PLGRKT: variants seen among roughly 807,000 people sequenced by gnomAD.
PLGRKT encodes plasminogen receptor with a C-terminal lysine.
In PLGRKT, 22 loss-of-function variants were observed where a neutral mutation model predicts 18.5. That is an observed-to-expected ratio of 1.19 (90% CI 0.85 to 1.70). PLGRKT has a LOEUF of 1.70. PLGRKT is among the 40% of genes most tolerant of loss of function. The pLI, the probability that PLGRKT is intolerant of heterozygous loss-of-function variation, is 0.00. For missense variants in PLGRKT, 235 were observed against 174.4 expected (o/e 1.35, Z -1.96); for synonymous variants, 72 against 52.8 (o/e 1.36, Z -1.58).
chr9:5,377,247 A>G (rs1817647093), intron 3 of PLGRKT, among the ~76,000 whole-genome samples: 1 of 136,570 alleles, frequency 7.3e-6, no homozygotes, highest in African/African-American at 2.7e-5. Flanking sequence ...TAACAAGTAA[A>G]CTAAAAAAAA....
chr9:5,434,039 G>C (rs374832933), intron 2 of PLGRKT, among the ~76,000 whole-genome samples: 2 of 149,480 alleles, frequency 1.3e-5, no homozygotes, highest in East Asian at 2.0e-4. Context: ...CCCCAAATGG[G>C]AAGTGAGGAG....
At chr9:5,429,227 G>A (rs1355253178) in intron 3 of PLGRKT, among the ~76,000 whole-genome samples, 1 of 152,156 alleles carries the variant, frequency 6.6e-6, no homozygotes, top group African/African-American at 2.4e-5. Context: ...AGACTCCCCA[G>A]TCAGGGATTC....
chr9:5,432,044 C>A, intron 2 of PLGRKT, 61 bp from the exon 3 acceptor site: 1 of 748,392 alleles, frequency 1.3e-6, no homozygotes, highest in South Asian at 1.5e-5. Flanking sequence ...CTTGTATGCT[C>A]CACTTTGAGC....
intron 3 of PLGRKT, among the ~76,000 whole-genome samples, chr9:5,427,600 C>T (rs1474339527): frequency 3.3e-5 from 5 of 152,108 alleles, no homozygotes; most frequent in African/African-American, 7.2e-5. Flanking sequence ...TATGTATGTA[C>T]TGGGAAAACC....
intron 3 of PLGRKT, among the ~76,000 whole-genome samples, chr9:5,388,562 GC>G (rs1254804441): frequency 6.6e-6 from 1 of 151,934 alleles, no homozygotes; most frequent in Non-Finnish European, 1.5e-5. Context: ...TCTTTCCCCA[GC>G]CCTTGAGGTT....
intron 3 of PLGRKT, among the ~76,000 whole-genome samples, chr9:5,419,354 G>A (rs1388014805): frequency 6.6e-6 from 1 of 152,228 alleles, no homozygotes; most frequent in Non-Finnish European, 1.5e-5. Context: ...AATGGTACGT[G>A]TTTGGGAGGC....
Position 5,414,958 on chromosome 9 carries a change from G to A in PLGRKT, c.81+16939C>T, listed in dbSNP as rs1382036027. Among the ~76,000 whole-genome samples the A allele has an allele frequency of 3.3e-5, 5 of 152,192 alleles. No individual in the cohort carries two copies. The South Asian group carries it at 8.3e-4, about 25-fold the overall frequency. ...GATATAGAAATAAATACAGATGTGT[G>A]TCTATGCATGGGTTCATATACATAC... On this transcript the variant is annotated intron_variant, in intron 3 of 5. Transcript: ENST00000223864.
intron 3 of PLGRKT, among the ~76,000 whole-genome samples, chr9:5,389,357 C>G (rs1046610310): frequency 4.0e-5 from 6 of 151,854 alleles, no homozygotes; most frequent in African/African-American, 1.2e-4. Context: ...TTGTTCATCA[C>G]AAGTCACAGC....
chr9:5,418,064 T>C lies in PLGRKT; in HGVS notation c.81+13833A>G, dbSNP rs1332526135. Reference sequence around the variant, plus strand: ...GAGTTTAACGTCTAAGTAGAATATGTCTATCTCGTAACGTGATTTTGAAAA... The same window carrying C: ...GAGTTTAACGTCTAAGTAGAATATGCCTATCTCGTAACGTGATTTTGAAAA... On this transcript the variant is annotated intron_variant, in intron 3 of 5. Coordinates refer to ENST00000223864, the MANE Select transcript of PLGRKT (RefSeq NM_018465.4). This position sits in a 1 kb window ranked among gnomAD's most constrained non-coding sequence, Gnocchi z 4.2. Among the ~76,000 whole-genome samples the C allele has an allele frequency of 6.6e-6, 1 of 152,146 alleles. No individual in the cohort carries two copies. Among genetic ancestry groups the C allele is most frequent in the Non-Finnish European group, 1.5e-5 (1 of 67,974 alleles).
chr9:5,391,207 T>C (rs1817943658), intron 3 of PLGRKT, among the ~76,000 whole-genome samples: 1 of 151,982 alleles, frequency 6.6e-6, no homozygotes, highest in South Asian at 2.1e-4. Context: ...CTTTATATGA[T>C]GCGATATGGT....
In PLGRKT at chr9:5,358,250, T is replaced by C. The variant is rs1197339285; in HGVS notation, c.433A>G (p.Ile145Val). 5.0e-6 allele frequency: 8 copies of C among 1,609,448 alleles called. No homozygotes were observed. Among genetic ancestry groups the C allele is most frequent in the Admixed American group, 1.7e-5 (1 of 60,012 alleles). Residue 145 changes from isoleucine (I) to valine (V), a missense_variant, in exon 6 of 6, where the codon ATA (isoleucine) becomes GTA (valine). By Grantham distance (29) the Ile-to-Val change is conservative. Transcript: ENST00000223864. ...TGGTAAGCATGATTTCATTTGTCTATGAAGAATCTACTCTGTTCCTTTCTG... is the reference window on the plus strand; with the variant it reads ...TGGTAAGCATGATTTCATTTGTCTACGAAGAATCTACTCTGTTCCTTTCTG... ...KARKEQSRFF[I>V]DK
intron 3 of PLGRKT, among the ~76,000 whole-genome samples, chr9:5,394,570 G>C (rs773354792): frequency 4.6e-5 from 7 of 151,718 alleles, no homozygotes; most frequent in African/African-American, 1.7e-4. Context: ...CCACCACCAT[G>C]CCCGGCTAAT....
intron 3 of PLGRKT, among the ~76,000 whole-genome samples, chr9:5,398,950 T>A (rs1341324256): frequency 1.3e-5 from 2 of 151,582 alleles, no homozygotes; most frequent in Admixed American, 1.3e-4. Context: ...AAGGACATTT[T>A]TATTAGTAAA....
chr9:5,403,670 G>A (rs1209337510), intron 3 of PLGRKT, among the ~76,000 whole-genome samples: 2 of 152,194 alleles, frequency 1.3e-5, no homozygotes, highest in Non-Finnish European at 2.9e-5. Flanking sequence ...CTCATTCTAT[G>A]TTCTCTATTG....
intron 3 of PLGRKT, among the ~76,000 whole-genome samples, chr9:5,397,990 G>A (rs981725174): frequency 2.0e-5 from 3 of 151,948 alleles, no homozygotes; most frequent in Non-Finnish European, 1.5e-5. Flanking sequence ...GTGCAAATAG[G>A]AACTCTGTAG....
intron 3 of PLGRKT, among the ~76,000 whole-genome samples, chr9:5,408,441 G>A (rs1005772548): frequency 3.9e-5 from 6 of 152,276 alleles, no homozygotes; most frequent in Middle Eastern, 3.4e-3. Context: ...GATGATTTAC[G>A]GTATCTGGTG....
chr9:5,408,892 C>A (rs376869981), intron 3 of PLGRKT, among the ~76,000 whole-genome samples: 4 of 152,354 alleles, frequency 2.6e-5, no homozygotes, highest in South Asian at 4.1e-4. Flanking sequence ...AGCTCAGATA[C>A]AGATACAGCT....
intron 3 of PLGRKT, among the ~76,000 whole-genome samples, chr9:5,385,395 A>C (rs888595576): frequency 6.6e-6 from 1 of 151,716 alleles, no homozygotes; most frequent in East Asian, 1.9e-4. Flanking sequence ...ACATGGTTTC[A>C]CTGTGTTAGC....
intron 3 of PLGRKT, chr9:5,392,554 T>C (rs1392525661): frequency 6.6e-6 from 1 of 152,000 alleles, no homozygotes; most frequent in East Asian, 1.9e-4. Context: ...TCCAATTCTG[T>C]AGTCAGGCTC....
Sources: gnomAD v4.1 joint callset for allele counts (sites outside exome capture counted in the v4.1 genomes callset) on GRCh38, gnomAD v4.1.1 for gene constraint, Gnocchi (gnomAD v3.1) non-coding constraint, MANE v1.5 for transcripts, NCBI Gene and HGNC (gene_info 2026-07-23, HGNC 2026-07-21) for gene names.